Variants in SAMD12 observed in about 807,000 individuals in gnomAD.
SAMD12 encodes the protein sterile alpha motif domain-containing protein 12.
Under a neutral mutation model 15.0 loss-of-function variants are expected in SAMD12, and 9 were observed. The ratio of observed to expected loss-of-function variants is 0.60; its 90% CI spans 0.36 to 1.05. SAMD12 has a LOEUF of 1.05. Among genes scored for constraint, SAMD12 ranks in the 50% least tolerant of loss-of-function variants. The probability of loss-of-function intolerance (pLI) is 0.01; values close to 1 mark genes in which losing one functional copy is unlikely to be tolerated. For synonymous variants in SAMD12, 86 were observed against 90.1 expected (o/e 0.96, Z 0.25); for missense variants, 230 against 234.2 (o/e 0.98, Z 0.12).
intron 4 of SAMD12, among the ~76,000 whole-genome samples, chr8:118,327,028 G>A (rs944215979): frequency 6.6e-6 from 1 of 152,180 alleles, no homozygotes; most frequent in South Asian, 2.1e-4. Context: ...ATGCACATGA[G>A]TGATCCCCCA....
At chr8:118,293,058 AAAAC>A (rs146263489) in intron 4 of SAMD12, among the ~76,000 whole-genome samples, 28,308 of 152,004 alleles carry the variant, frequency 0.19, 2,715 homozygotes, top group Middle Eastern at 0.21. Context: ...TAATAATAAA[AAAAC>A]AAACAAACAA....
At chr8:118,353,784 T>C (rs1415337173) in intron 4 of SAMD12, among the ~76,000 whole-genome samples, 1 of 152,162 alleles carries the variant, frequency 6.6e-6, no homozygotes, top group Non-Finnish European at 1.5e-5. Flanking sequence ...TGCTGGGCTC[T>C]GTGGACTATG....
chr8:118,206,796 A>G (rs910881654), intron 4 of SAMD12, among the ~76,000 whole-genome samples: 11 of 152,236 alleles, frequency 7.2e-5, no homozygotes. Context: ...TGTGACTTTG[A>G]ATTCATAATA....
chr8:118,166,578 A>C, the SAMD12 span, among the ~76,000 whole-genome samples: 2 of 152,248 alleles, frequency 1.3e-5, no homozygotes, highest in Non-Finnish European at 2.9e-5. Context: ...AACTTTATAA[A>C]TAAGTAAGCA....
intron 2 of SAMD12, among the ~76,000 whole-genome samples, chr8:118,482,940 G>C (rs188190796): frequency 6.6e-6 from 1 of 152,276 alleles, no homozygotes; most frequent in Non-Finnish European, 1.5e-5. Context: ...GGGAAGCCAC[G>C]AGGAAGAGAA....
intron 2 of SAMD12, among the ~76,000 whole-genome samples, chr8:118,554,114 A>T (rs1053648452): frequency 3.3e-5 from 5 of 151,906 alleles, no homozygotes; most frequent in African/African-American, 1.2e-4. Flanking sequence ...CCATTGTGGA[A>T]GTCAGTGTGG....
the SAMD12 span, among the ~76,000 whole-genome samples, chr8:118,162,167 AAAAAAG>A: frequency 2.3e-4 from 34 of 150,150 alleles, no homozygotes; most frequent in Admixed American, 8.0e-4. Flanking sequence ...CTCAAAAAAA[AAAAAAG>A]AAGAAGAAGA....
chr8:118,314,844 C>T (rs28508414), intron 4 of SAMD12, among the ~76,000 whole-genome samples: 71,774 of 152,004 alleles, frequency 0.47, 19,621 homozygotes, highest in African/African-American at 0.77. Context: ...TTCCAGTCTT[C>T]GGCTATTACA....
intron 1 of SAMD12, among the ~76,000 whole-genome samples, chr8:118,610,661 C>T (rs1828087573): frequency 6.6e-6 from 1 of 152,142 alleles, no homozygotes; most frequent in African/African-American, 2.4e-5. Context: ...AGTCGAGTGC[C>T]TTCTACAAGC....
At chr8:118,550,227 C>G (rs937339748) in intron 2 of SAMD12, among the ~76,000 whole-genome samples, 10 of 152,218 alleles carry the variant, frequency 6.6e-5, no homozygotes, top group African/African-American at 2.4e-4. Flanking sequence ...ACATAATTGT[C>G]AGATTCACCA....
At chr8:118,327,311 C>G (rs1020638588) in intron 4 of SAMD12, among the ~76,000 whole-genome samples, 1 of 152,192 alleles carries the variant, frequency 6.6e-6, no homozygotes, top group Admixed American at 6.5e-5. Flanking sequence ...TGTAGCCCTT[C>G]ATCACAGTGT....
At chr8:118,179,883 G>A in the SAMD12 span, among the ~76,000 whole-genome samples, 2 of 152,342 alleles carry the variant, frequency 1.3e-5, no homozygotes, top group East Asian at 3.9e-4. Flanking sequence ...AAAAGGCCAC[G>A]AGGCAGCATT....
chr8:118,566,874 G>A (rs1826867274), intron 2 of SAMD12, among the ~76,000 whole-genome samples: 2 of 152,156 alleles, frequency 1.3e-5, no homozygotes, highest in African/African-American at 4.8e-5. Flanking sequence ...TTTCTCCACT[G>A]TTAAAAAATA....
intron 2 of SAMD12, among the ~76,000 whole-genome samples, chr8:118,506,482 G>A (rs549558624): frequency 3.9e-5 from 6 of 152,118 alleles, no homozygotes; most frequent in Admixed American, 1.3e-4. Flanking sequence ...AATTTTCCAC[G>A]GGGAGAAGGG....
chr8:118,292,785 G>C (rs1814478044), intron 4 of SAMD12, among the ~76,000 whole-genome samples: 1 of 151,514 alleles, frequency 6.6e-6, no homozygotes, highest in South Asian at 2.1e-4. Flanking sequence ...ATCATTCTCA[G>C]TAAACTATCG....
At chr8:118,342,078 T>G (rs910315034) in intron 4 of SAMD12, among the ~76,000 whole-genome samples, 1 of 152,138 alleles carries the variant, frequency 6.6e-6, no homozygotes, top group Non-Finnish European at 1.5e-5. Context: ...TCACCTGAGG[T>G]CAGGAGTTCG....
chr8:118,179,230 G>C, the SAMD12 span, among the ~76,000 whole-genome samples: 4,817 of 152,182 alleles, frequency 0.032, 102 homozygotes, highest in South Asian at 0.075. Flanking sequence ...CTGAGGTCGG[G>C]AGTTTGAGAC....
In SAMD12 at chr8:118,292,349, G is replaced by GACACACACAC. The variant is rs3052706; in HGVS notation, c.433+87201_433+87210dup. 3.8e-3 allele frequency among the ~76,000 whole-genome samples: 529 copies of GACACACACAC among 137,712 alleles called. 19 individuals are homozygous for GACACACACAC. The South Asian group carries it at 0.056, about 14-fold the overall frequency. The allele number at this position is 137,712 out of a possible 152,430, so 90.3% of individuals were successfully genotyped here. A position where few individuals can be genotyped will look rare whatever the true frequency, so the allele number is the denominator to read the frequency against. ...TAATGTCCAAAACTGCAAACACACA[G>GACACACACAC]ACACACACACACACACACACACACA... On this transcript the variant is annotated intron_variant, in intron 4 of 4. Transcript: ENST00000409003.
chr8:118,603,107 G>T (rs114724882), intron 1 of SAMD12, among the ~76,000 whole-genome samples: 2,872 of 151,812 alleles, frequency 0.019, 77 homozygotes, highest in African/African-American at 0.064. Context: ...AATAACAGAT[G>T]AAAAATAGCA....
Sources: gnomAD v4.1 joint callset for allele counts (sites outside exome capture counted in the v4.1 genomes callset) on GRCh38, gnomAD v4.1.1 for gene constraint, MANE v1.5 for transcripts, NCBI Gene and HGNC (gene_info 2026-07-23, HGNC 2026-07-21) for gene names.